Variants in ADAM20 observed in about 807,000 individuals in gnomAD.
ADAM20 encodes disintegrin and metalloproteinase domain-containing protein 20.
For missense variants in ADAM20, 871 were observed against 883.2 expected (o/e 0.99, Z 0.18); for synonymous variants, 305 against 310.2 (o/e 0.98, Z 0.18).
the ADAM20 span, among the ~76,000 whole-genome samples, chr14:70,544,116 G>A: frequency 4.7e-5 from 7 of 148,360 alleles, no homozygotes; most frequent in African/African-American, 1.7e-4. Flanking sequence ...TCCGACCAGA[G>A]ACATTTCAAC....
rs769906418 is a variant in ADAM20, at chr14:70,524,121, C to T, written c.637G>A (p.Val213Met). ...AGATATCTAATATTATCCACGACCA[C>T]TACCAGCTCAACAAACCGCTGATGG... ...WTHQRFVELVVVVDNIRYLFS... is the reference protein window; with the variant it reads ...WTHQRFVELVMVVDNIRYLFS... The change falls in exon 2 of 2, where the codon GTG becomes ATG. Residue 213 changes from valine to methionine, a missense_variant. By Grantham distance (21) the Val-to-Met change is conservative. Transcript: ENST00000256389. 19 of 1,613,772 alleles carry T rather than the reference C, an allele frequency of 1.2e-5. No homozygotes were observed. Among genetic ancestry groups the T allele is most frequent in the Admixed American group, 1.7e-5 (1 of 59,942 alleles).
chr14:70,555,180 A>G, the ADAM20 span, among the ~76,000 whole-genome samples: 1 of 152,246 alleles, frequency 6.6e-6, no homozygotes, highest in Non-Finnish European at 1.5e-5. Flanking sequence ...CTGGAAATGC[A>G]ATGTACAACA....
upstream of ADAM20, among the ~76,000 whole-genome samples, chr14:70,536,194 G>A (rs935758706): frequency 6.6e-6 from 1 of 152,020 alleles, no homozygotes; most frequent in African/African-American, 2.4e-5. Context: ...GGCCAGGCAT[G>A]GTGGCTCACA....
the ADAM20 span, among the ~76,000 whole-genome samples, chr14:70,575,449 A>G: frequency 6.6e-6 from 1 of 152,106 alleles, no homozygotes; most frequent in Admixed American, 6.6e-5. Context: ...TTTTAAATAC[A>G]TTAAGTGAAT....
At chr14:70,574,458 G>A in the ADAM20 span, among the ~76,000 whole-genome samples, 1 of 151,822 alleles carries the variant, frequency 6.6e-6, no homozygotes, top group Admixed American at 6.6e-5. Context: ...GGCTAACACG[G>A]TGAAACTCCG....
At chr14:70,570,682 C>A in the ADAM20 span, among the ~76,000 whole-genome samples, 1 of 152,114 alleles carries the variant, frequency 6.6e-6, no homozygotes, top group Non-Finnish European at 1.5e-5. Context: ...CCACATTCTA[C>A]CAAATGTTCA....
At chr14:70,535,635 C>T (rs117505775), upstream of ADAM20, among the ~76,000 whole-genome samples, 213 of 152,282 alleles carry the variant, frequency 1.4e-3, no homozygotes, top group Non-Finnish European at 2.5e-3. Flanking sequence ...AGACATACTC[C>T]TACCACCCCT....
chr14:70,545,323 A>G, the ADAM20 span, among the ~76,000 whole-genome samples: 1 of 152,216 alleles, frequency 6.6e-6, no homozygotes, highest in East Asian at 1.9e-4. Context: ...TGGCACAGAG[A>G]ATCTGCGCAC....
chr14:70,535,691 G>C (rs1250601617), upstream of ADAM20, among the ~76,000 whole-genome samples: 2 of 152,080 alleles, frequency 1.3e-5, no homozygotes, highest in Non-Finnish European at 2.9e-5. Context: ...ACACGCTCCA[G>C]AGCAAAAAGT....
upstream of ADAM20, among the ~76,000 whole-genome samples, chr14:70,537,673 A>C (rs143746057): frequency 2.1e-3 from 313 of 152,288 alleles, no homozygotes; most frequent in Middle Eastern, 0.024. Flanking sequence ...TCTTCTTGCC[A>C]GTCTACATGG....
At chr14:70,570,632 C>G in the ADAM20 span, among the ~76,000 whole-genome samples, 1 of 151,994 alleles carries the variant, frequency 6.6e-6, no homozygotes, top group Admixed American at 6.6e-5. Flanking sequence ...AATAAAAAAT[C>G]TACCAACCAA....
At position 70,523,530 on chromosome 14, in the gene ADAM20, A is replaced by G. The variant is rs527303493; in HGVS notation, c.1228T>C (p.Cys410Arg). Residue 410 changes from cysteine to arginine, a missense_variant, in exon 2 of 2, where the codon TGT becomes CGT. Coordinates refer to ENST00000256389, the MANE Select transcript of ADAM20 (RefSeq NM_003814.5). ...CCTTCTTCAACCACTAGATTCCCAC[A>G]GTACTTCAGTCTAAATATATTCCCT... ...YPGNIFRLKYCGNLVVEEGEE... is the reference protein window; with the variant it reads ...YPGNIFRLKYRGNLVVEEGEE... 6.2e-6 allele frequency: 10 copies of G among 1,614,096 alleles called. No homozygotes were observed. The highest frequency in any genetic ancestry group is 2.2e-5 in the East Asian group (1 of 44,886).
chr14:70,568,515 T>C, the ADAM20 span, among the ~76,000 whole-genome samples: 4 of 152,316 alleles, frequency 2.6e-5, no homozygotes, highest in Non-Finnish European at 4.4e-5. Flanking sequence ...ACCAACTCTC[T>C]AGTAATGGAT....
In ADAM20 at chr14:70,524,949, TG is replaced by T. The variant is rs774621988; in HGVS notation, c.-176-17del. ...AAAATAAAAACTGAAAGAGCCAGGA[TG>T]GGGTGGGTGGGATAGAAAGGGAGAA... On this transcript the variant is annotated splice_polypyrimidine_tract_variant and intron_variant, in intron 1 of 1. Transcript: ENST00000256389. The T allele has an allele frequency of 4.2e-5, 65 of 1,536,688 alleles. No homozygotes were observed. Among genetic ancestry groups the T allele is most frequent in the Non-Finnish European group, 5.4e-5 (62 of 1,143,030 alleles).
the ADAM20 span, chr14:70,547,446 C>G: frequency 7.1e-6 from 1 of 141,554 alleles, no homozygotes; most frequent in South Asian, 2.4e-4. Context: ...AGTGTGTGTG[C>G]GCACCGTGCG....
At chr14:70,559,312 CT>C in the ADAM20 span, among the ~76,000 whole-genome samples, 12 of 147,940 alleles carry the variant, frequency 8.1e-5, no homozygotes, top group South Asian at 2.1e-4. Context: ...TCCTTAATTC[CT>C]TTTTTTTTTC....
upstream of ADAM20, among the ~76,000 whole-genome samples, chr14:70,538,896 C>G (rs960414721): frequency 1.3e-5 from 2 of 152,188 alleles, no homozygotes; most frequent in African/African-American, 4.8e-5. Flanking sequence ...CTCCCGGGTT[C>G]AAGTGATTCT....
the ADAM20 span, among the ~76,000 whole-genome samples, chr14:70,576,684 G>A: frequency 6.6e-6 from 1 of 152,148 alleles, no homozygotes; most frequent in East Asian, 1.9e-4. Context: ...AGAGAGCAGG[G>A]TAACAGAAGG....
rs753189243 is a variant in ADAM20 at position 70,524,812 on chromosome 14, A to G, written c.-55T>C. ...CTAGAGCAGAAGAGAACAAGGTGTG[A>G]GGCACTGCTGGTCTGGCTCCTCCCT... On this transcript the variant is annotated 5_prime_UTR_variant, in exon 2 of 2. Coordinates refer to ENST00000256389, the MANE Select transcript of ADAM20 (RefSeq NM_003814.5). 8.1e-6 allele frequency: 13 copies of G among 1,613,302 alleles called. No homozygotes were observed. Among genetic ancestry groups the G allele is most frequent in the African/African-American group, 1.3e-5 (1 of 74,906 alleles).
Sources: gnomAD v4.1 joint callset for allele counts (sites outside exome capture counted in the v4.1 genomes callset) on GRCh38, gnomAD v4.1.1 for gene constraint, MANE v1.5 for transcripts, NCBI Gene and HGNC (gene_info 2026-07-23, HGNC 2026-07-21) for gene names.